ZNF385B: variants seen among roughly 807,000 people sequenced by gnomAD.
ZNF385B encodes the protein zinc finger protein 533.
A neutral mutation model predicts 39.2 loss-of-function variants in ZNF385B; 23 were observed. That is an observed-to-expected ratio of 0.59 (90% CI 0.42 to 0.83). The LOEUF is 0.83. Among genes scored for constraint, ZNF385B ranks in the 40% least tolerant of loss-of-function variants. The pLI is 0.00. For synonymous variants in ZNF385B, 205 were observed against 222.6 expected (o/e 0.92, Z 0.70); for missense variants, 552 against 598.9 (o/e 0.92, Z 0.82).
intron 3 of ZNF385B, chr2:179,583,973 A>C (rs1038477138): frequency 8.5e-6 from 11 of 1,299,784 alleles, no homozygotes; most frequent in Non-Finnish European, 1.1e-5. Flanking sequence ...ATTCATATTT[A>C]CCGAGCATCT....
chr2:179,492,324 A>G (rs993492759), intron 5 of ZNF385B, among the ~76,000 whole-genome samples: 3 of 152,198 alleles, frequency 2.0e-5, no homozygotes, highest in African/African-American at 7.2e-5. Context: ...ATGATAAGTA[A>G]TGCAATATAA....
chr2:179,762,528 G>T (rs1467426162), intron 3 of ZNF385B, among the ~76,000 whole-genome samples: 2 of 152,060 alleles, frequency 1.3e-5, no homozygotes, highest in African/African-American at 2.4e-5. Context: ...AGCCAGTTTT[G>T]CATACCTGGA....
In ZNF385B at chr2:179,620,294, AAGTCTAATGCAAC is replaced by A. The variant is rs561788703; in HGVS notation, c.299-75338_299-75326del. On this transcript the variant is annotated intron_variant, in intron 3 of 9. Coordinates refer to ENST00000410066, the MANE Select transcript of ZNF385B (RefSeq NM_152520.6). ...GTAACTTGTTGACTCCTATCTATAA[AAGTCTAATGCAAC>A]ACCACTCTGCAGTGATACTCTGATC... 6.9e-4 allele frequency among the ~76,000 whole-genome samples: 105 copies of A among 152,264 alleles called. No individual in the cohort carries two copies. The East Asian group carries it at 0.013, about 19-fold the overall frequency.
intron 1 of ZNF385B, among the ~76,000 whole-genome samples, chr2:179,846,272 T>A (rs563450683): frequency 6.6e-6 from 1 of 152,254 alleles, no homozygotes; most frequent in Admixed American, 6.5e-5. Context: ...TGAAGTCATT[T>A]TAGAAACACA....
chr2:179,475,404 A>C (rs1345648408), intron 6 of ZNF385B, among the ~76,000 whole-genome samples: 3 of 151,950 alleles, frequency 2.0e-5, no homozygotes, highest in Non-Finnish European at 2.9e-5. Context: ...GGCGCCCGCC[A>C]CCATGCCCAG....
At chr2:179,849,126 TAC>T (rs368020289) in intron 1 of ZNF385B, among the ~76,000 whole-genome samples, 219 of 152,280 alleles carry the variant, frequency 1.4e-3, no homozygotes, top group African/African-American at 4.9e-3. Context: ...TCACAAAGAA[TAC>T]AGTCTTATCC....
At chr2:179,647,986 G>A (rs1262594370) in intron 3 of ZNF385B, among the ~76,000 whole-genome samples, 1 of 152,038 alleles carries the variant, frequency 6.6e-6, no homozygotes, top group Non-Finnish European at 1.5e-5. Flanking sequence ...AGAAAAGGGG[G>A]GTCAGAACAG....
At chr2:179,523,515 T>G (rs1429155827) in intron 4 of ZNF385B, among the ~76,000 whole-genome samples, 1 of 152,058 alleles carries the variant, frequency 6.6e-6, no homozygotes, top group African/African-American at 2.4e-5. Flanking sequence ...AGGATGAATC[T>G]AAGATGGGGG....
intron 1 of ZNF385B, among the ~76,000 whole-genome samples, chr2:179,834,727 TGC>T (rs1319565163): frequency 1.3e-5 from 2 of 152,200 alleles, no homozygotes; most frequent in African/African-American, 4.8e-5. Context: ...AGTTATTGAT[TGC>T]AAAAGAGAAA....
intron 4 of ZNF385B, among the ~76,000 whole-genome samples, chr2:179,530,220 C>T (rs1262954427): frequency 6.6e-6 from 1 of 152,030 alleles, no homozygotes; most frequent in Non-Finnish European, 1.5e-5. Context: ...ATTAAATTTC[C>T]ATAACATAAA....
intron 1 of ZNF385B, among the ~76,000 whole-genome samples, chr2:179,829,576 C>T (rs986610745): frequency 1.8e-4 from 28 of 152,020 alleles, no homozygotes; most frequent in African/African-American, 6.5e-4. Flanking sequence ...TGCAGTGGTG[C>T]TATCTCGGCT....
At chr2:179,663,225 A>G (rs757284843) in intron 3 of ZNF385B, among the ~76,000 whole-genome samples, 10 of 152,230 alleles carry the variant, frequency 6.6e-5, no homozygotes, top group Middle Eastern at 3.2e-3. Flanking sequence ...ACACACAAAA[A>G]TATCAGAGTA....
intron 3 of ZNF385B, among the ~76,000 whole-genome samples, chr2:179,619,127 A>G (rs1156554875): frequency 6.6e-6 from 1 of 152,200 alleles, no homozygotes; most frequent in East Asian, 1.9e-4. Context: ...CAAAAATTTG[A>G]GCATGGAATA....
At chr2:179,480,213 A>G (rs577268068) in intron 6 of ZNF385B, among the ~76,000 whole-genome samples, 1 of 152,270 alleles carries the variant, frequency 6.6e-6, no homozygotes, top group Non-Finnish European at 1.5e-5. Context: ...AAAAAGACCA[A>G]TGCTGGGGAA....
intron 3 of ZNF385B, among the ~76,000 whole-genome samples, chr2:179,670,788 T>C (rs541274616): frequency 6.6e-6 from 1 of 152,352 alleles, no homozygotes; most frequent in South Asian, 2.1e-4. Flanking sequence ...TCTTCATTAA[T>C]TGAGATTTCT....
At chr2:179,757,650 C>T (rs1347855501) in intron 3 of ZNF385B, among the ~76,000 whole-genome samples, 1 of 152,192 alleles carries the variant, frequency 6.6e-6, no homozygotes, top group Non-Finnish European at 1.5e-5. Context: ...CCTACTTAAG[C>T]CTCAGCATTG....
intron 4 of ZNF385B, among the ~76,000 whole-genome samples, chr2:179,521,532 T>C (rs112508919): frequency 2.6e-5 from 4 of 151,900 alleles, no homozygotes; most frequent in African/African-American, 9.7e-5. Context: ...AATCTCACAT[T>C]TGCACCACAT....
intron 3 of ZNF385B, among the ~76,000 whole-genome samples, chr2:179,767,705 AG>A (rs1703786931): frequency 6.6e-6 from 1 of 152,144 alleles, no homozygotes; most frequent in African/African-American, 2.4e-5. Context: ...TGATAGCACT[AG>A]GTATATTCCG....
intron 3 of ZNF385B, among the ~76,000 whole-genome samples, chr2:179,699,206 A>G (rs945801386): frequency 5.9e-5 from 9 of 152,116 alleles, no homozygotes; most frequent in African/African-American, 1.7e-4. Context: ...TACAATCATC[A>G]CCACCATTCA....
Sources: gnomAD v4.1 joint callset for allele counts (sites outside exome capture counted in the v4.1 genomes callset) on GRCh38, gnomAD v4.1.1 for gene constraint, MANE v1.5 for transcripts, NCBI Gene and HGNC (gene_info 2026-07-23, HGNC 2026-07-21) for gene names.